Variants in SLC9A9 observed in about 807,000 individuals in gnomAD.
SLC9A9 encodes the protein sodium/hydrogen exchanger 9.
SLC9A9 carries 62 observed loss-of-function variants against 77.8 expected under a neutral mutation model. The observed-to-expected ratio is 0.80, with a 90% CI of 0.65 to 0.98. The LOEUF is 0.98. Among genes scored for constraint, SLC9A9 ranks in the 50% least tolerant of loss-of-function variants. The probability of loss-of-function intolerance (pLI) is 0.00; values close to 1 mark genes in which losing one functional copy is unlikely to be tolerated. For synonymous variants in SLC9A9, 320 were observed against 283.5 expected (o/e 1.13, Z -1.29); for missense variants, 775 against 774.9 (o/e 1.00, Z 0.00).
intron 4 of SLC9A9, among the ~76,000 whole-genome samples, chr3:143,704,619 A>T (rs1933909559): frequency 6.6e-6 from 1 of 152,134 alleles, no homozygotes; most frequent in African/African-American, 2.4e-5. Flanking sequence ...GTATATCTGC[A>T]CTCCTATATT....
intron 6 of SLC9A9, among the ~76,000 whole-genome samples, chr3:143,614,556 G>A (rs1343942340): frequency 2.6e-5 from 4 of 152,152 alleles, no homozygotes; most frequent in African/African-American, 7.2e-5. Flanking sequence ...AATAAAAAGA[G>A]GAGAAATTGC....
At chr3:143,777,341 T>C (rs2007724064) in intron 4 of SLC9A9, among the ~76,000 whole-genome samples, 1 of 152,146 alleles carries the variant, frequency 6.6e-6, no homozygotes, top group African/African-American at 2.4e-5. Context: ...TCCAGTAAAA[T>C]AAAATTTTGA....
intron 4 of SLC9A9, among the ~76,000 whole-genome samples, chr3:143,765,248 A>C (rs996922779): frequency 6.9e-6 from 1 of 144,528 alleles, no homozygotes. Context: ...TACGTTGCCC[A>C]GGCTGGTCTT....
chr3:143,350,921 A>C (rs1275185599), intron 14 of SLC9A9, among the ~76,000 whole-genome samples: 3 of 152,136 alleles, frequency 2.0e-5, no homozygotes, highest in Non-Finnish European at 2.9e-5. Context: ...GTTCAGCTCG[A>C]ATCTACCAAC....
At chr3:143,450,199 A>T (rs1306935015) in intron 12 of SLC9A9, among the ~76,000 whole-genome samples, 1 of 135,850 alleles carries the variant, frequency 7.4e-6, no homozygotes, top group Non-Finnish European at 1.5e-5. Context: ...ATAATATATA[A>T]ATATATAAAT....
At chr3:143,713,624 C>A (rs751884554) in intron 4 of SLC9A9, among the ~76,000 whole-genome samples, 1 of 152,058 alleles carries the variant, frequency 6.6e-6, no homozygotes, top group Non-Finnish European at 1.5e-5. Context: ...TTTAAACATT[C>A]CTTAAGTATT....
chr3:143,273,862 G>C (rs1937967298), intron 14 of SLC9A9, among the ~76,000 whole-genome samples: 1 of 152,206 alleles, frequency 6.6e-6, no homozygotes, highest in Non-Finnish European at 1.5e-5. Context: ...ATTCTCTGGA[G>C]TATTGCCCTC....
intron 12 of SLC9A9, among the ~76,000 whole-genome samples, chr3:143,387,294 T>G (rs2033451128): frequency 6.6e-6 from 1 of 151,720 alleles, no homozygotes; most frequent in Admixed American, 6.6e-5. Context: ...AAAGGAAAGA[T>G]AGAGAAAGAA....
chr3:143,727,690 C>G (rs1303758023), intron 4 of SLC9A9, among the ~76,000 whole-genome samples: 1 of 151,992 alleles, frequency 6.6e-6, no homozygotes, highest in Non-Finnish European at 1.5e-5. Context: ...GTTTGAATAG[C>G]AAAGAAAAAA....
chr3:143,545,465 G>A (rs1252153547), intron 9 of SLC9A9, among the ~76,000 whole-genome samples: 3 of 152,208 alleles, frequency 2.0e-5, no homozygotes, highest in Admixed American at 6.5e-5. Context: ...CAAGAACCAC[G>A]TGGTATTTGC....
intron 4 of SLC9A9, among the ~76,000 whole-genome samples, chr3:143,738,874 G>A (rs1390276252): frequency 1.3e-5 from 2 of 152,228 alleles, no homozygotes; most frequent in East Asian, 3.9e-4. Flanking sequence ...GAGAAGGCAT[G>A]TGCAGGTATG....
chr3:143,433,205 C>T (rs1420153819), intron 12 of SLC9A9, among the ~76,000 whole-genome samples: 1 of 152,140 alleles, frequency 6.6e-6, no homozygotes, highest in Non-Finnish European at 1.5e-5. Flanking sequence ...GTTCATGTAA[C>T]AAAGTTTTCT....
chr3:143,769,748 A>G (rs1393976550), intron 4 of SLC9A9, among the ~76,000 whole-genome samples: 1 of 152,210 alleles, frequency 6.6e-6, no homozygotes, highest in Non-Finnish European at 1.5e-5. Flanking sequence ...AGCAATTTGT[A>G]TTAGATAAAG....
At chr3:143,379,394 G>A (rs2033249904) in intron 13 of SLC9A9, among the ~76,000 whole-genome samples, 1 of 152,200 alleles carries the variant, frequency 6.6e-6, no homozygotes, top group African/African-American at 2.4e-5. Flanking sequence ...ACTGCAGCTT[G>A]TTACCTCCCA....
At chr3:143,502,193 T>C (rs1026130686) in intron 9 of SLC9A9, among the ~76,000 whole-genome samples, 4 of 151,012 alleles carry the variant, frequency 2.6e-5, no homozygotes, top group Non-Finnish European at 5.9e-5. Context: ...TTTCCATTAC[T>C]TCACAGTTTG....
chr3:143,403,212 A>T (rs2033902180), intron 12 of SLC9A9, among the ~76,000 whole-genome samples: 1 of 152,134 alleles, frequency 6.6e-6, no homozygotes, highest in African/African-American at 2.4e-5. Flanking sequence ...TCTTATTTAC[A>T]ACTTCTGTTA....
intron 14 of SLC9A9, among the ~76,000 whole-genome samples, chr3:143,295,308 CT>C (rs776935537): frequency 4.6e-5 from 7 of 152,324 alleles, no homozygotes; most frequent in Non-Finnish European, 1.0e-4. Context: ...TTTCTTTTCT[CT>C]TTCTCAAAGT....
At chr3:143,537,586 A>G (rs2036610929) in intron 9 of SLC9A9, among the ~76,000 whole-genome samples, 1 of 152,104 alleles carries the variant, frequency 6.6e-6, no homozygotes, top group South Asian at 2.1e-4. Context: ...ATTTCTCTTC[A>G]ATTAGCAGGA....
intron 13 of SLC9A9, among the ~76,000 whole-genome samples, chr3:143,380,429 A>T (rs2033276695): frequency 6.8e-6 from 1 of 147,060 alleles, no homozygotes; most frequent in Admixed American, 6.9e-5. Flanking sequence ...CTTTTAAAGA[A>T]AAAGGTATAC....
Sources: allele counts gnomAD v4.1 joint callset (sites outside exome capture counted in the v4.1 genomes callset), GRCh38; gene constraint gnomAD v4.1.1; transcripts MANE v1.5; gene names NCBI Gene and HGNC (gene_info 2026-07-23, HGNC 2026-07-21).